The following FBXO40 variants were observed in gnomAD, a reference collection of about 807,000 sequenced individuals.
The protein encoded by FBXO40 is F-box only protein 40.
A neutral mutation model predicts 49.9 loss-of-function variants in FBXO40; 50 were observed. The observed-to-expected ratio is 1.00, with a 90% CI of 0.80 to 1.27. The LOEUF (loss-of-function observed/expected upper bound fraction) is 1.27. FBXO40 is among the 50% of genes most tolerant of loss of function. The pLI is 0.00. For synonymous variants in FBXO40, 340 were observed against 320.2 expected (o/e 1.06, Z -0.66); for missense variants, 895 against 870.1 (o/e 1.03, Z -0.36).
chr3:121,626,967 T>G lies in FBXO40; in HGVS notation c.*57T>G. ...GGATTTCTTCTCGGAGTTCCTGAAG[T>G]AGGACAGAGTGTGTGGTTTTGAGGA... On this transcript the variant is annotated 3_prime_UTR_variant, in exon 4 of 4. Transcript: ENST00000338040. The G allele has an allele frequency of 6.5e-7, 1 of 1,536,126 alleles. No homozygotes were observed. The highest frequency in any genetic ancestry group is 2.3e-5 in the East Asian group (1 of 44,422).
chr3:121,621,413 CCT>C lies in FBXO40; in HGVS notation c.4-19_4-18del. 6.3e-7 allele frequency: 1 copy of C among 1,590,450 alleles called. No homozygotes were observed. The highest frequency in any genetic ancestry group is 8.6e-7 in the Non-Finnish European group (1 of 1,164,456). On this transcript the variant is annotated intron_variant, in intron 2 of 3. Transcript: ENST00000338040. ...CTCAGTATTCATTTGTTTTCTTCCC[CCT>C]GTCCTTGGTGTGTCCAGGGGAAAGC...
intron 1 of FBXO40, among the ~76,000 whole-genome samples, chr3:121,609,735 G>A (rs1198838468): frequency 6.6e-6 from 1 of 152,194 alleles, no homozygotes; most frequent in African/African-American, 2.4e-5. Flanking sequence ...GGGCATGCAG[G>A]TAGTACTAAA....
intron 1 of FBXO40, among the ~76,000 whole-genome samples, chr3:121,605,557 A>C (rs1443570749): frequency 6.6e-6 from 1 of 152,224 alleles, no homozygotes; most frequent in Non-Finnish European, 1.5e-5. Flanking sequence ...GGTGTCCTGC[A>C]GAGGTGGTTA....
chr3:121,605,185 C>T (rs1035413231), intron 1 of FBXO40, among the ~76,000 whole-genome samples: 2 of 152,090 alleles, frequency 1.3e-5, no homozygotes, highest in Non-Finnish European at 2.9e-5. Flanking sequence ...GATTCATCCA[C>T]CTCGGCCTCC....
At chr3:121,603,778 G>A (rs1287314253) in intron 1 of FBXO40, among the ~76,000 whole-genome samples, 1 of 152,072 alleles carries the variant, frequency 6.6e-6, no homozygotes, top group East Asian at 1.9e-4. Flanking sequence ...GAGTGCAGTG[G>A]CACGATCTCA....
intron 1 of FBXO40, among the ~76,000 whole-genome samples, chr3:121,609,804 ATTTCTGGGC>A (rs2048954681): frequency 6.6e-6 from 1 of 152,250 alleles, no homozygotes; most frequent in Non-Finnish European, 1.5e-5. Flanking sequence ...GGAAAGTGGC[ATTTCTGGGC>A]TTGCCCATCA....
intron 1 of FBXO40, among the ~76,000 whole-genome samples, chr3:121,611,524 T>C (rs1390777677): frequency 6.6e-6 from 1 of 152,180 alleles, no homozygotes; most frequent in Non-Finnish European, 1.5e-5. Context: ...ACTCCCACCA[T>C]AGGGTGGTTT....
In FBXO40 at chr3:121,627,824, C is replaced by T. The variant is rs894152178; in HGVS notation, c.*914C>T. 7.5e-6 allele frequency: 3 copies of T among 398,546 alleles called. No homozygotes were observed. Among genetic ancestry groups the T allele is most frequent in the African/African-American group, 4.1e-5 (2 of 48,618 alleles). The allele number at this position is 398,546 out of a possible 1,614,324, so 24.7% of individuals were successfully genotyped here. On this transcript the variant is annotated 3_prime_UTR_variant, in exon 4 of 4. Coordinates refer to ENST00000338040, the MANE Select transcript of FBXO40 (RefSeq NM_016298.4). ...CCAACCTCAGCGTCATGCCAGAATG[C>T]ACAGGGCAGCCCAGGGAGATCACAC...
In FBXO40 at chr3:121,621,418, C is replaced by A. The variant is rs376939060; in HGVS notation, c.4-15C>A. ...TATTCATTTGTTTTCTTCCCCCTGTCCTTGGTGTGTCCAGGGGAAAGCCCG... is the reference window on the plus strand; with the variant it reads ...TATTCATTTGTTTTCTTCCCCCTGTACTTGGTGTGTCCAGGGGAAAGCCCG... On this transcript the variant is annotated splice_polypyrimidine_tract_variant and intron_variant, in intron 2 of 3. Coordinates refer to ENST00000338040, the MANE Select transcript of FBXO40 (RefSeq NM_016298.4). 1.9e-6 allele frequency: 3 copies of A among 1,597,468 alleles called. No homozygotes were observed. In the South Asian group the frequency reaches 3.4e-5, roughly 18 times the overall value.
chr3:121,616,626 T>C (rs538392078), intron 1 of FBXO40, among the ~76,000 whole-genome samples: 7 of 152,186 alleles, frequency 4.6e-5, no homozygotes, highest in Non-Finnish European at 1.0e-4. Flanking sequence ...TGAACAATAG[T>C]GTTTAAGACT....
chr3:121,622,272 C>T lies in FBXO40; in HGVS notation c.843C>T (p.Ala281=), dbSNP rs2049036201. ...ENQKQQDVRT[A]METTGLAPWQ... ...AGAAGCAGCAGGACGTTCGTACAGC[C>T]ATGGAAACCACAGGGCTTGCCCCTT... The change falls in exon 3 of 4, where the codon GCC becomes GCT. Residue 281 remains alanine (A), a synonymous_variant. Coordinates refer to ENST00000338040, the MANE Select transcript of FBXO40 (RefSeq NM_016298.4). 2.5e-6 allele frequency: 4 copies of T among 1,614,170 alleles called. No homozygotes were observed. The highest frequency in any genetic ancestry group is 3.4e-6 in the Non-Finnish European group (4 of 1,180,032).
At chr3:121,594,283 CT>C (rs2048858341) in intron 1 of FBXO40, among the ~76,000 whole-genome samples, 1 of 152,160 alleles carries the variant, frequency 6.6e-6, no homozygotes, top group Admixed American at 6.5e-5. Context: ...TCACTGCAAC[CT>C]CCACCTTCTA....
rs370367749 is a variant in FBXO40 at position 121,622,131 on chromosome 3, A to G, written c.702A>G (p.Ser234=). 395 of 1,614,088 alleles carry G rather than the reference A, an allele frequency of 2.4e-4. 1 individual carries two copies. The highest frequency in any genetic ancestry group is 3.1e-4 in the Non-Finnish European group (370 of 1,180,048). ...ACGCAGCCTCTGCTTTAACAAATTC[A>G]TCAGCGAGCTGTGAGAGCAAGAACA... ...KEHAASALTN[S]SASCESKNKN... is the part of the protein sequence containing the mutation. Residue 234 remains serine (S), a synonymous_variant, in exon 3 of 4, where the codon TCA becomes TCG. Coordinates refer to ENST00000338040, the MANE Select transcript of FBXO40 (RefSeq NM_016298.4).
At chr3:121,614,204 T>C (rs1401595332) in intron 1 of FBXO40, among the ~76,000 whole-genome samples, 4 of 148,646 alleles carry the variant, frequency 2.7e-5, no homozygotes, top group African/African-American at 1.0e-4. Context: ...AAGGCGGAGG[T>C]TGCAGTGAGC....
chr3:121,599,707 T>C (rs76590074), intron 1 of FBXO40, among the ~76,000 whole-genome samples: 11,826 of 75,394 alleles, frequency 0.16, 741 homozygotes, highest in Non-Finnish European at 0.22. Flanking sequence ...CACACACACA[T>C]ATATATATAT....
Position 121,621,963 on chromosome 3 carries a change from CG to C in FBXO40, c.536del (p.Gly179ValfsTer17), listed in dbSNP as rs1178474211. On this transcript the variant is annotated frameshift_variant, in exon 3 of 4. Coordinates refer to ENST00000338040, the MANE Select transcript of FBXO40 (RefSeq NM_016298.4). LOFTEE classifies it high-confidence loss of function. ...GAGGAGCAGTGGGTGGAGTGGATAT[CG>C]GTTTGGTACCACATGGTCTGTCAGC... ...MGGAVGGVDI[G>X]LVPHGLSATN... The C allele has an allele frequency of 6.2e-7, 1 of 1,614,008 alleles. No individual in the cohort carries two copies. The highest frequency in any genetic ancestry group is 8.5e-7 in the Non-Finnish European group (1 of 1,180,028).
At chr3:121,613,647 G>A (rs1001415624) in intron 1 of FBXO40, among the ~76,000 whole-genome samples, 1 of 152,112 alleles carries the variant, frequency 6.6e-6, no homozygotes, top group East Asian at 1.9e-4. Flanking sequence ...CTTAAAGGGC[G>A]TTTCTAATCT....
intron 1 of FBXO40, among the ~76,000 whole-genome samples, chr3:121,603,198 A>C (rs527552361): frequency 1.3e-4 from 20 of 152,318 alleles, no homozygotes; most frequent in African/African-American, 4.8e-4. Flanking sequence ...GAGTGTCCTG[A>C]TCCAGACCCC....
intron 3 of FBXO40, among the ~76,000 whole-genome samples, chr3:121,624,654 A>G (rs1034532264): frequency 2.0e-5 from 3 of 152,074 alleles, no homozygotes; most frequent in Non-Finnish European, 4.4e-5. Context: ...TCCCCCCTGC[A>G]TGGTTCCTCC....
Sources: allele counts gnomAD v4.1 joint callset (sites outside exome capture counted in the v4.1 genomes callset), GRCh38; gene constraint gnomAD v4.1.1; transcripts MANE v1.5; gene names NCBI Gene and HGNC (gene_info 2026-07-23, HGNC 2026-07-21).